Variants in SCOC observed in about 807,000 individuals in gnomAD.
SCOC encodes the protein short coiled-coil protein, also known as short coiled coil protein.
In SCOC, 7 loss-of-function variants were observed where a neutral mutation model predicts 9.9. The ratio of observed to expected loss-of-function variants is 0.71; its 90% CI spans 0.40 to 1.33. The LOEUF (loss-of-function observed/expected upper bound fraction) is 1.33. Among genes scored for constraint, SCOC ranks in the 40% most tolerant of loss-of-function variants. The pLI is 0.01. For synonymous variants in SCOC, 19 were observed against 28.2 expected (o/e 0.67, Z 1.03); for missense variants, 66 against 89.7 (o/e 0.74, Z 1.07).
chr4:140,373,703 C>A lies in SCOC; in HGVS notation c.-65C>A. On this transcript the variant is annotated 5_prime_UTR_variant, in exon 1 of 4. Coordinates refer to ENST00000608372, the MANE Select transcript of SCOC (RefSeq NM_001153484.2). Reference sequence around the variant, plus strand: ...TCGGCCGGATCCCTCCTTCTCCCGGCGCCTCAAGCGGAAGGTGAGGGCCGT... The same window carrying A: ...TCGGCCGGATCCCTCCTTCTCCCGGAGCCTCAAGCGGAAGGTGAGGGCCGT... The A allele has an allele frequency of 6.5e-7, 1 of 1,548,622 alleles. No individual in the cohort carries two copies. The highest frequency in any genetic ancestry group is 8.7e-7 in the Non-Finnish European group (1 of 1,146,840).
At chr4:140,283,573 T>C (rs1363849806) in intron 1 of SCOC, among the ~76,000 whole-genome samples, 1 of 152,358 alleles carries the variant, frequency 6.6e-6, no homozygotes, top group East Asian at 1.9e-4. Flanking sequence ...ATCTTGATGA[T>C]ACAGGTTGGG....
At chr4:140,340,527 C>A (rs570653613), upstream of SCOC, among the ~76,000 whole-genome samples, 17 of 151,618 alleles carry the variant, frequency 1.1e-4, no homozygotes, top group Admixed American at 1.1e-3. Context: ...AAATTTTGGG[C>A]AACTGGATAT....
intron 2 of SCOC, among the ~76,000 whole-genome samples, chr4:140,358,033 T>C (rs1421455227): frequency 1.3e-5 from 2 of 152,166 alleles, no homozygotes; most frequent in African/African-American, 4.8e-5. Context: ...CTAACGCCTA[T>C]GCACTCCTAA....
intron 1 of SCOC, among the ~76,000 whole-genome samples, chr4:140,312,721 A>G (rs1028008): frequency 0.012 from 1,850 of 152,348 alleles, 35 homozygotes; most frequent in African/African-American, 0.041. Context: ...GGCATGAGCC[A>G]TAGTGCCTTG....
intron 1 of SCOC, among the ~76,000 whole-genome samples, chr4:140,297,790 G>T (rs796766371): frequency 2.6e-5 from 4 of 152,256 alleles, no homozygotes; most frequent in African/African-American, 9.6e-5. Context: ...GACAGTGGGG[G>T]GAGGGAGGCT....
At chr4:140,266,207 A>T (rs1427364779) in intron 1 of SCOC, among the ~76,000 whole-genome samples, 1 of 152,188 alleles carries the variant, frequency 6.6e-6, no homozygotes, top group African/African-American at 2.4e-5. Flanking sequence ...TCATACCTAG[A>T]AGATGATTGT....
Position 140,373,683 on chromosome 4 carries a change from C to G in SCOC, c.-85C>G. 1.3e-6 allele frequency: 2 copies of G among 1,550,502 alleles called. No individual in the cohort carries two copies. The highest frequency in any genetic ancestry group is 1.2e-5 in the South Asian group (1 of 84,020). ...AAGTGTCCCGGCCTGAGGTGTCGGC[C>G]GGATCCCTCCTTCTCCCGGCGCCTC... On this transcript the variant is annotated 5_prime_UTR_variant, in exon 1 of 4. Coordinates refer to ENST00000608372, the MANE Select transcript of SCOC (RefSeq NM_001153484.2).
rs961295128 is a variant in SCOC, at chr4:140,385,391, T to C, written c.*4287T>C. The C allele has an allele frequency of 2.6e-5, 4 of 152,192 alleles. No homozygotes were observed. Among genetic ancestry groups the C allele is most frequent in the African/African-American group, 9.7e-5 (4 of 41,448 alleles). The allele number at this position is 152,192 out of a possible 1,614,324, so 9.4% of individuals were successfully genotyped here. A position where few individuals can be genotyped will look rare whatever the true frequency, so the allele number is the denominator to read the frequency against. On this transcript the variant is annotated 3_prime_UTR_variant, in exon 4 of 4. Coordinates refer to ENST00000608372, the MANE Select transcript of SCOC (RefSeq NM_001153484.2). ...AAAGACTACATATGTACATAAAACCTTGCCGGGGAAGTCAGGCTCAGCTAC... is the reference window on the plus strand; with the variant it reads ...AAAGACTACATATGTACATAAAACCCTGCCGGGGAAGTCAGGCTCAGCTAC...
At chr4:140,270,537 TGTTGTCCAGG>T (rs1560675900) in intron 1 of SCOC, among the ~76,000 whole-genome samples, 1 of 152,098 alleles carries the variant, frequency 6.6e-6, no homozygotes, top group African/African-American at 2.4e-5. Context: ...GGTCTCACTA[TGTTGTCCAGG>T]CTGGTACTGG....
At chr4:140,377,098 G>T (rs1728375378) in intron 1 of SCOC, among the ~76,000 whole-genome samples, 1 of 152,180 alleles carries the variant, frequency 6.6e-6, no homozygotes, top group Admixed American at 6.5e-5. Context: ...TTTTGCTTTT[G>T]GCTGTTGCCT....
In SCOC at chr4:140,359,681, C is replaced by T. The variant is rs912398783; in HGVS notation, c.70+15973C>T. Among the ~76,000 whole-genome samples, 9 of 152,310 alleles carry T rather than the reference C, an allele frequency of 5.9e-5. No individual in the cohort carries two copies. The South Asian group carries it at 6.2e-4, about 11-fold the overall frequency. ...GCAAAATACATTTACTCTCTCAAGA[C>T]GCCCCAGAAGTCTCATTCAATATGA... On this transcript the variant is annotated intron_variant, in intron 2 of 4. Coordinates refer to the SCOC transcript ENST00000338517.
intron 1 of SCOC, among the ~76,000 whole-genome samples, chr4:140,321,336 G>A (rs2126482286): frequency 6.6e-6 from 1 of 152,292 alleles, no homozygotes; most frequent in African/African-American, 2.4e-5. Flanking sequence ...GGAAAACTGT[G>A]TTTCCCAAAG....
chr4:140,336,682 T>G (rs1044355762), intron 1 of SCOC, among the ~76,000 whole-genome samples: 1 of 152,218 alleles, frequency 6.6e-6, no homozygotes, highest in Non-Finnish European at 1.5e-5. Context: ...AATGCTGCTA[T>G]AAATCTTCAT....
chr4:140,334,922 C>A (rs1159272360), intron 1 of SCOC, among the ~76,000 whole-genome samples: 1 of 152,000 alleles, frequency 6.6e-6, no homozygotes, highest in Admixed American at 6.6e-5. Context: ...GGCAACATGA[C>A]AAAACCCTGT....
At chr4:140,308,860 G>A (rs1009254688) in intron 1 of SCOC, among the ~76,000 whole-genome samples, 2 of 152,174 alleles carry the variant, frequency 1.3e-5, no homozygotes, top group African/African-American at 2.4e-5. Flanking sequence ...GAGTGCCTGG[G>A]TCACTGATGA....
At chr4:140,267,503 G>T (rs1002644190) in intron 1 of SCOC, among the ~76,000 whole-genome samples, 1 of 152,116 alleles carries the variant, frequency 6.6e-6, no homozygotes, top group Non-Finnish European at 1.5e-5. Context: ...TAAATCAAAG[G>T]GTTCTGACCC....
intron 1 of SCOC, among the ~76,000 whole-genome samples, chr4:140,273,047 C>T (rs1730884391): frequency 6.6e-6 from 1 of 152,158 alleles, no homozygotes; most frequent in Non-Finnish European, 1.5e-5. Context: ...CTCTGACGGG[C>T]CCACGTGCTC....
chr4:140,373,440 C>T, upstream of SCOC: 1 of 1,526,298 alleles, frequency 6.6e-7, no homozygotes, highest in Non-Finnish European at 8.8e-7. Context: ...CCGCCCACAG[C>T]GACCTCAATC....
intron 1 of SCOC, among the ~76,000 whole-genome samples, chr4:140,261,098 G>T (rs1415162686): frequency 6.6e-6 from 1 of 152,184 alleles, no homozygotes; most frequent in East Asian, 1.9e-4. Context: ...CTCATTCTTA[G>T]GAAGCTCATA....
Sources: allele counts gnomAD v4.1 joint callset (sites outside exome capture counted in the v4.1 genomes callset), GRCh38; gene constraint gnomAD v4.1.1; transcripts MANE v1.5; gene names NCBI Gene and HGNC (gene_info 2026-07-23, HGNC 2026-07-21).